The following MCMDC2 variants were observed in gnomAD, a reference collection of about 807,000 sequenced individuals.
The protein encoded by MCMDC2 is minichromosome maintenance domain containing 2, also known as minichromosome maintenance domain-containing protein 2.
A neutral mutation model predicts 75.8 loss-of-function variants in MCMDC2; 54 were observed. That is an observed-to-expected ratio of 0.71 (90% confidence interval 0.57 to 0.89). MCMDC2 has a LOEUF of 0.89. Ranked by LOEUF, MCMDC2 falls within the 40% of genes least tolerant of loss-of-function variation. MCMDC2 has a pLI of 0.00. For synonymous variants in MCMDC2, 249 were observed against 274.6 expected (o/e 0.91, Z 0.92); for missense variants, 656 against 780.4 (o/e 0.84, Z 1.90).
intron 8 of MCMDC2, among the ~76,000 whole-genome samples, 180 bp downstream of exon 8, chr8:66,881,154 A>G (rs1811539988): frequency 6.6e-6 from 1 of 152,240 alleles, no homozygotes; most frequent in East Asian, 1.9e-4. Context: ...ATATACATAT[A>G]AAGTAAGCAA....
At chr8:66,915,996 A>G (rs890652930) in intron 14 of MCMDC2, among the ~76,000 whole-genome samples, 2 of 152,150 alleles carry the variant, frequency 1.3e-5, no homozygotes, top group African/African-American at 4.8e-5. Context: ...TTGGTAACCT[A>G]AAGGTTGTAG....
At position 66,919,024 on chromosome 8, in the gene MCMDC2, C is replaced by T. The variant is rs1813423365; in HGVS notation, c.1901C>T (p.Ala634Val). ...LKYGATVFCV[A>V]PNAVFPFELY... ...TTAGGGGCCACTGTATTTTGTGTTG[C>T]TCCGAATGCAGTATTTCCATTTGAA... The change falls in exon 15 of 15, where the codon GCT becomes GTT. Residue 634 changes from alanine to valine, a missense_variant. By Grantham distance (64) the Ala-to-Val change is moderately conservative. Transcript: ENST00000422365. The T allele has an allele frequency of 2.0e-6, 3 of 1,534,646 alleles. No homozygotes were observed. Among genetic ancestry groups the T allele is most frequent in the East Asian group, 2.5e-5 (1 of 40,126 alleles).
intron 14 of MCMDC2, among the ~76,000 whole-genome samples, chr8:66,913,339 GAT>G (rs1232982012): frequency 6.6e-6 from 1 of 152,134 alleles, no homozygotes; most frequent in East Asian, 1.9e-4. Flanking sequence ...GCTTTATTGT[GAT>G]ATTCACTTTT....
chr8:66,913,964 A>T (rs1272312536), intron 14 of MCMDC2, among the ~76,000 whole-genome samples: 2 of 127,280 alleles, frequency 1.6e-5, no homozygotes, highest in African/African-American at 6.8e-5. Context: ...ACTCTGTCTA[A>T]AAAAAAAAAA....
In MCMDC2 at chr8:66,898,670, T is replaced by G. The variant is rs553232265; in HGVS notation, c.1626+1711T>G. Reference sequence around the variant, plus strand: ...ATACATAAAATAGTTAAGGAACAATTTAAGTGCTAAGCTAAGTGGTGCTGA... The same window carrying G: ...ATACATAAAATAGTTAAGGAACAATGTAAGTGCTAAGCTAAGTGGTGCTGA... On this transcript the variant is annotated intron_variant, in intron 12 of 14. Transcript: ENST00000422365. Among the ~76,000 whole-genome samples the G allele has an allele frequency of 4.1e-4, 62 of 151,920 alleles. No homozygotes were observed. In the South Asian group the frequency reaches 0.011, roughly 27 times the overall value.
chr8:66,884,283 A>G (rs1184170213), intron 9 of MCMDC2: 1 of 424,524 alleles, frequency 2.4e-6, no homozygotes, highest in African/African-American at 2.0e-5. Flanking sequence ...CTCTTTCTGT[A>G]CTTTGTTTTG....
chr8:66,873,828 A>C (rs1355031423), intron 1 of MCMDC2, among the ~76,000 whole-genome samples: 2 of 152,050 alleles, frequency 1.3e-5, no homozygotes, highest in Admixed American at 1.3e-4. Context: ...TGGAGGTTGC[A>C]GTGAGCTGAG....
rs189855657 is a variant in MCMDC2, at chr8:66,899,974, A to C, written c.1627-1232A>C. On this transcript the variant is annotated intron_variant, in intron 12 of 14. Transcript: ENST00000422365. Reference sequence around the variant, plus strand: ...GTCTCTACTAAAAATACAAAAAAAAACAAAAGAAAAAATTAGCTGGGCATG... The same window carrying C: ...GTCTCTACTAAAAATACAAAAAAAACCAAAAGAAAAAATTAGCTGGGCATG... Among the ~76,000 whole-genome samples, 26 of 150,300 alleles carry C rather than the reference A, an allele frequency of 1.7e-4. No homozygotes were observed. The East Asian group carries it at 4.2e-3, about 24-fold the overall frequency.
intron 12 of MCMDC2, among the ~76,000 whole-genome samples, chr8:66,898,309 G>C (rs1812454912): frequency 6.6e-6 from 1 of 151,836 alleles, no homozygotes; most frequent in Admixed American, 6.6e-5. Flanking sequence ...TTTCTCTTTA[G>C]TTTATCATTT....
intron 13 of MCMDC2, 80 bp downstream of exon 13, chr8:66,901,428 T>C: frequency 6.6e-7 from 1 of 1,523,502 alleles, no homozygotes; most frequent in Non-Finnish European, 8.8e-7. Flanking sequence ...TTTACCTATT[T>C]CACTTGTTTC....
intron 4 of MCMDC2, among the ~76,000 whole-genome samples, chr8:66,876,668 G>A (rs1213382558): frequency 1.3e-5 from 2 of 152,132 alleles, no homozygotes; most frequent in African/African-American, 2.4e-5. Context: ...CTTAACAAGA[G>A]ATCACAATCT....
Position 66,874,121 on chromosome 8 carries a change from G to A in MCMDC2, c.-20G>A. 1 of 1,554,700 alleles carries A rather than the reference G, an allele frequency of 6.4e-7. No homozygotes were observed. Among genetic ancestry groups the A allele is most frequent in the Admixed American group, 2.0e-5 (1 of 50,302 alleles). On this transcript the variant is annotated 5_prime_UTR_variant, in exon 2 of 15. Coordinates refer to ENST00000422365, the MANE Select transcript of MCMDC2 (RefSeq NM_173518.5). ...TCAACAATTGTGGTTTAATCAATTAGAAATATTAACCAGGAGAAAATGTCA... is the reference window on the plus strand; with the variant it reads ...TCAACAATTGTGGTTTAATCAATTAAAAATATTAACCAGGAGAAAATGTCA...
chr8:66,901,076 C>CA (rs1185801689), intron 12 of MCMDC2, 130 bp from the exon 13 acceptor site: 4 of 665,962 alleles, frequency 6.0e-6, no homozygotes, highest in Non-Finnish European at 1.0e-5. Context: ...AAGATGGCCC[C>CA]AGACATTTAC....
intron 9 of MCMDC2, among the ~76,000 whole-genome samples, chr8:66,888,518 C>T (rs1811949919): frequency 6.6e-6 from 1 of 152,124 alleles, no homozygotes; most frequent in South Asian, 2.1e-4. Context: ...TGTGGCATAT[C>T]TCTCCATTTA....
intron 9 of MCMDC2, among the ~76,000 whole-genome samples, chr8:66,888,122 C>T (rs1312121217): frequency 1.3e-5 from 2 of 152,010 alleles, no homozygotes; most frequent in Admixed American, 1.3e-4. Context: ...GGTCTGTTGC[C>T]CAAATTGGAG....
At chr8:66,915,144 A>T (rs1293059683) in intron 14 of MCMDC2, among the ~76,000 whole-genome samples, 2 of 152,142 alleles carry the variant, frequency 1.3e-5, no homozygotes, top group Admixed American at 6.5e-5. Context: ...AACCTGGGCA[A>T]CATAGCAAGA....
At chr8:66,873,515 G>A (rs895492982) in intron 1 of MCMDC2, among the ~76,000 whole-genome samples, 2 of 152,132 alleles carry the variant, frequency 1.3e-5, no homozygotes, top group Non-Finnish European at 2.9e-5. Flanking sequence ...ATTTTTGGGA[G>A]TACCTCTGTT....
At chr8:66,880,814 G>T (rs371257961) in intron 7 of MCMDC2, 35 bp from the exon 8 acceptor site, 2 of 1,482,340 alleles carry the variant, frequency 1.3e-6, no homozygotes, top group South Asian at 2.9e-5. Context: ...TTCATTTAGT[G>T]AATATGTATT....
At chr8:66,883,526 G>A (rs1368098615) in intron 8 of MCMDC2, among the ~76,000 whole-genome samples, 1 of 151,980 alleles carries the variant, frequency 6.6e-6, no homozygotes, top group Non-Finnish European at 1.5e-5. Flanking sequence ...AAGCACGGTG[G>A]CTCAGGCCTG....
Sources: gnomAD v4.1 joint callset for allele counts (sites outside exome capture counted in the v4.1 genomes callset) on GRCh38, gnomAD v4.1.1 for gene constraint, MANE v1.5 for transcripts, NCBI Gene and HGNC (gene_info 2026-07-23, HGNC 2026-07-21) for gene names.